The following CENPP variants were observed in gnomAD, a reference collection of about 807,000 sequenced individuals.
The protein encoded by CENPP is centromere protein P.
In CENPP, 24 loss-of-function variants were observed where a neutral mutation model predicts 35.6. The observed-to-expected ratio is 0.67, with a 90% CI of 0.49 to 0.95. The LOEUF (loss-of-function observed/expected upper bound fraction) is 0.95. Among genes scored for constraint, CENPP ranks in the 40% least tolerant of loss-of-function variants. The pLI is 0.00. For missense variants in CENPP, 332 were observed against 345.3 expected, an observed-to-expected ratio of 0.96 and a Z score of 0.31; for synonymous variants, 120 against 125.5, an observed-to-expected ratio of 0.96 and a Z score of 0.29.
chr9:92,430,030 A>T (rs1367845378), intron 5 of CENPP, among the ~76,000 whole-genome samples: 1 of 152,216 alleles, frequency 6.6e-6, no homozygotes, highest in Non-Finnish European at 1.5e-5. Context: ...GTCAATCCTC[A>T]GGCACAGATG....
At chr9:92,454,778 T>A (rs1844825250) in intron 5 of CENPP, among the ~76,000 whole-genome samples, 1 of 152,188 alleles carries the variant, frequency 6.6e-6, no homozygotes, top group Admixed American at 6.5e-5. Context: ...GGTGGTAACT[T>A]GCCCAAGACT....
At chr9:92,334,870 C>T (rs1171343673) in intron 2 of CENPP, among the ~76,000 whole-genome samples, 1 of 149,326 alleles carries the variant, frequency 6.7e-6, no homozygotes, top group African/African-American at 2.5e-5. Context: ...ACAGTGAGAC[C>T]CTGTCTCAAA....
chr9:92,596,725 C>T (rs1360798984), intron 5 of CENPP, among the ~76,000 whole-genome samples: 1 of 151,858 alleles, frequency 6.6e-6, no homozygotes, highest in Admixed American at 6.6e-5. Context: ...TGACAGCAGC[C>T]ATCTATTAAT....
intron 5 of CENPP, among the ~76,000 whole-genome samples, chr9:92,440,040 T>A (rs1417204710): frequency 6.6e-6 from 1 of 152,208 alleles, no homozygotes; most frequent in Non-Finnish European, 1.5e-5. Flanking sequence ...AATTCATGTT[T>A]CAAATTACAT....
At chr9:92,366,074 G>A (rs1841880775) in intron 4 of CENPP, among the ~76,000 whole-genome samples, 1 of 151,092 alleles carries the variant, frequency 6.6e-6, no homozygotes, top group African/African-American at 2.4e-5. Context: ...CAGCTACTCA[G>A]TAGGCTGAGG....
chr9:92,560,345 G>A (rs1378966997), intron 5 of CENPP, among the ~76,000 whole-genome samples: 1 of 152,108 alleles, frequency 6.6e-6, no homozygotes, highest in African/African-American at 2.4e-5. Context: ...ACTTAGTCAC[G>A]AATCCCTTGG....
At chr9:92,365,465 C>CA (rs1476107683) in intron 4 of CENPP, among the ~76,000 whole-genome samples, 1 of 125,028 alleles carries the variant, frequency 8.0e-6, no homozygotes, top group Non-Finnish European at 1.6e-5. Flanking sequence ...CGCTGGAGTT[C>CA]AGGGGCATGA....
At chr9:92,605,897 GGTAA>G (rs1353964301) in intron 5 of CENPP, among the ~76,000 whole-genome samples, 1 of 151,940 alleles carries the variant, frequency 6.6e-6, no homozygotes, top group African/African-American at 2.4e-5. Flanking sequence ...TCATATATTG[GGTAA>G]GTGACTTGTT....
At chr9:92,570,795 G>C (rs1850116937) in intron 5 of CENPP, among the ~76,000 whole-genome samples, 1 of 152,086 alleles carries the variant, frequency 6.6e-6, no homozygotes, top group African/African-American at 2.4e-5. Flanking sequence ...CTTCTTCCTG[G>C]TTTAGTCTTG....
chr9:92,387,322 G>A (rs375977985), intron 5 of CENPP, among the ~76,000 whole-genome samples: 59 of 151,686 alleles, frequency 3.9e-4, no homozygotes, highest in African/African-American at 1.4e-3. Context: ...GTTGCAGTGA[G>A]CCGAGATTGT....
intron 5 of CENPP, chr9:92,416,700 C>T (rs753348071): frequency 3.7e-6 from 6 of 1,613,554 alleles, no homozygotes; most frequent in African/African-American, 1.3e-5. Context: ...TTGTGTCCAA[C>T]ACTGAGTTCT....
chr9:92,361,872 A>G (rs1486996048), intron 4 of CENPP, among the ~76,000 whole-genome samples: 1 of 152,064 alleles, frequency 6.6e-6, no homozygotes, highest in African/African-American at 2.4e-5. Context: ...TGATACTTTT[A>G]TCTAATATGC....
intron 5 of CENPP, among the ~76,000 whole-genome samples, chr9:92,569,088 G>C (rs545124630): frequency 7.2e-5 from 11 of 152,296 alleles, no homozygotes; most frequent in Admixed American, 5.9e-4. Context: ...TAGTTTAGTA[G>C]ATCCCATTTG....
rs147863529 is a variant in CENPP at position 92,536,271 on chromosome 9, G to A, written c.565-75043G>A. 3.9e-5 allele frequency among the ~76,000 whole-genome samples: 6 copies of A among 152,232 alleles called. No individual in the cohort carries two copies. In the East Asian group the frequency reaches 1.2e-3, roughly 29 times the overall value. Reference sequence around the variant, plus strand: ...AAGGCAGAGTTGGAAACACAAAAATGAGCTTGATTAAGAAATCTGTGGTTT... The same window carrying A: ...AAGGCAGAGTTGGAAACACAAAAATAAGCTTGATTAAGAAATCTGTGGTTT... On this transcript the variant is annotated intron_variant, in intron 5 of 7. Transcript: ENST00000375587.
intron 5 of CENPP, chr9:92,495,433 A>G (rs1405232270): frequency 2.0e-6 from 2 of 985,208 alleles, no homozygotes; most frequent in Non-Finnish European, 2.4e-6. Flanking sequence ...CAAAGGAGAT[A>G]GATGCTATGA....
intron 5 of CENPP, chr9:92,415,607 G>A: frequency 2.4e-6 from 1 of 419,598 alleles, no homozygotes. Context: ...AATTGAATTA[G>A]GTTTCCTTTT....
At chr9:92,370,234 G>A (rs945278492) in intron 4 of CENPP, among the ~76,000 whole-genome samples, 2 of 152,038 alleles carry the variant, frequency 1.3e-5, no homozygotes, top group African/African-American at 2.4e-5. Context: ...CTTTGTTGAA[G>A]ATTTTGCATC....
chr9:92,497,543 G>A (rs1235816944), intron 5 of CENPP, among the ~76,000 whole-genome samples: 2 of 151,520 alleles, frequency 1.3e-5, no homozygotes, highest in African/African-American at 4.9e-5. Context: ...AGAATTGCTT[G>A]AACCTGGGAG....
At chr9:92,335,364 A>G (rs1170897698) in intron 2 of CENPP, among the ~76,000 whole-genome samples, 1 of 152,150 alleles carries the variant, frequency 6.6e-6, no homozygotes, top group Non-Finnish European at 1.5e-5. Context: ...CTGATTTCTT[A>G]TATGCAAAAT....
Sources: gnomAD v4.1 joint callset for allele counts (sites outside exome capture counted in the v4.1 genomes callset) on GRCh38, gnomAD v4.1.1 for gene constraint, MANE v1.5 for transcripts, NCBI Gene and HGNC (gene_info 2026-07-23, HGNC 2026-07-21) for gene names.